PARP1: variants seen among roughly 807,000 people sequenced by gnomAD.
The protein encoded by PARP1 is poly(ADP-ribose) polymerase 1.
PARP1 carries 44 observed loss-of-function variants against 118.7 expected under a neutral mutation model. The ratio of observed to expected loss-of-function variants is 0.37; its 90% confidence interval spans 0.29 to 0.48. The LOEUF (loss-of-function observed/expected upper bound fraction) is 0.48, where lower values mean the gene tolerates loss of function less well. Among genes scored for constraint, PARP1 ranks in the 20% least tolerant of loss-of-function variants. The pLI is 0.99. For synonymous variants in PARP1, 492 were observed against 483.2 expected (o/e 1.02, Z -0.24); for missense variants, 1,100 against 1,272.4 (o/e 0.86, Z 2.06).
At chr1:226,394,136 C>A (rs1163975770) in intron 2 of PARP1, among the ~76,000 whole-genome samples, 1 of 152,122 alleles carries the variant, frequency 6.6e-6, no homozygotes, top group Non-Finnish European at 1.5e-5. Context: ...ATCACTTGAG[C>A]CCAGGAGTTC....
chr1:226,388,431 G>A (rs1664754804), intron 5 of PARP1, among the ~76,000 whole-genome samples: 1 of 152,236 alleles, frequency 6.6e-6, no homozygotes, highest in African/African-American at 2.4e-5. Context: ...AAGCCTGGCT[G>A]CAGGTCAGAC....
In PARP1 at chr1:226,403,537, G is replaced by A. The variant is rs3219019; in HGVS notation, c.121-1158C>T. ...GAAGAAGGGGAAGACACAGTATGTA[G>A]TGTGTGTCCCTGCTCCTTTCATAAG... On this transcript the variant is annotated intron_variant, in intron 1 of 22. Coordinates refer to ENST00000366794, the MANE Select transcript of PARP1 (RefSeq NM_001618.4). 5.9e-3 allele frequency among the ~76,000 whole-genome samples: 899 copies of A among 152,348 alleles called. 8 individuals are homozygous for A. Among genetic ancestry groups the A allele is most frequent in the African/African-American group, 0.02 (825 of 41,580 alleles).
intron 2 of PARP1, among the ~76,000 whole-genome samples, chr1:226,395,226 C>A (rs1284069630): frequency 1.3e-5 from 2 of 151,998 alleles, no homozygotes; most frequent in African/African-American, 4.8e-5. Flanking sequence ...GGAGGCTACT[C>A]AAAAAATTAA....
intron 14 of PARP1, among the ~76,000 whole-genome samples, chr1:226,373,056 G>A (rs776262911): frequency 1.3e-5 from 2 of 152,234 alleles, no homozygotes; most frequent in Non-Finnish European, 2.9e-5. Flanking sequence ...GCACAGGCGT[G>A]AGCATTCCTG....
intron 3 of PARP1, among the ~76,000 whole-genome samples, chr1:226,391,016 T>G (rs1664811552): frequency 6.6e-6 from 1 of 151,626 alleles, no homozygotes; most frequent in African/African-American, 2.4e-5. Flanking sequence ...TTTTTTTTTT[T>G]TTTGAGACAG....
intron 18 of PARP1, 41 bp downstream of exon 18, chr1:226,365,912 TG>T: frequency 7.5e-7 from 1 of 1,328,760 alleles, no homozygotes; most frequent in Non-Finnish European, 1.1e-6. Context: ...AGGGAAGAGC[TG>T]GCAGGACACA....
At chr1:226,370,895 T>C in intron 14 of PARP1, 1 of 286,938 alleles carries the variant, frequency 3.5e-6, no homozygotes, top group South Asian at 3.9e-5. Flanking sequence ...TTCCCTGGGG[T>C]CCCAGAGCCA....
At position 226,374,268 on chromosome 1, in the gene PARP1, G is replaced by A. The variant is rs1247607997; in HGVS notation, c.2028C>T (p.Ile676=). The change falls in exon 14 of 23, where the codon ATC becomes ATT. Residue 676 remains isoleucine, a synonymous_variant. Transcript: ENST00000366794. ...CTTTCTTCATACTTTCCACATCAAA[G>A]ATCATCTTGATGAGGTCCTGAACTG... ...PKPVQDLIKM[I]FDVESMKKAM... 8 of 1,613,722 alleles carry A rather than the reference G, an allele frequency of 5.0e-6. No individual in the cohort carries two copies. Among genetic ancestry groups the A allele is most frequent in the Non-Finnish European group, 6.8e-6 (8 of 1,179,730 alleles).
At chr1:226,365,789 C>A (rs34917861) in intron 18 of PARP1, among the ~76,000 whole-genome samples, 165 bp downstream of exon 18, 119,652 of 147,226 alleles carry the variant, frequency 0.81, 48,926 homozygotes, top group South Asian at 0.89. Flanking sequence ...AAAAAACAAA[C>A]AAACAAAAAA....
At position 226,361,409 on chromosome 1, in the gene PARP1, C is replaced by T. The variant is rs577915890; in HGVS notation, c.*51G>A. 70 of 1,240,746 alleles carry T rather than the reference C, an allele frequency of 5.6e-5. No individual in the cohort carries two copies. The highest frequency in any genetic ancestry group is 6.9e-5 in the Non-Finnish European group (58 of 843,228). The allele number at this position is 1,240,746 out of a possible 1,614,324, so 76.9% of individuals were successfully genotyped here. On this transcript the variant is annotated 3_prime_UTR_variant, in exon 23 of 23. Coordinates refer to ENST00000366794, the MANE Select transcript of PARP1 (RefSeq NM_001618.4). Reference sequence around the variant, plus strand: ...CAGGTGAGTTGGTGCAGAAGCGCTTCGGGTGAATTCATACCAGAGCCACCG... The same window carrying T: ...CAGGTGAGTTGGTGCAGAAGCGCTTTGGGTGAATTCATACCAGAGCCACCG...
intron 13 of PARP1, among the ~76,000 whole-genome samples, chr1:226,375,283 T>C (rs1664466664): frequency 6.6e-6 from 1 of 152,236 alleles, no homozygotes; most frequent in African/African-American, 2.4e-5. Flanking sequence ...GCAAAGTATC[T>C]ATGTGTTCAA....
At chr1:226,367,715 T>C in intron 16 of PARP1, 107 bp from the exon 17 acceptor site, 2 of 1,275,672 alleles carry the variant, frequency 1.6e-6, no homozygotes, top group Non-Finnish European at 2.3e-6. Flanking sequence ...ACACAGTGAA[T>C]GGCAAACCCT....
At chr1:226,396,326 A>G (rs902035164) in intron 2 of PARP1, among the ~76,000 whole-genome samples, 1 of 152,058 alleles carries the variant, frequency 6.6e-6, no homozygotes, top group Non-Finnish European at 1.5e-5. Context: ...AACCTGGGCG[A>G]CAGAGCAAGA....
At chr1:226,396,948 A>G (rs1464505054) in intron 2 of PARP1, among the ~76,000 whole-genome samples, 1 of 151,918 alleles carries the variant, frequency 6.6e-6, no homozygotes, top group Non-Finnish European at 1.5e-5. Context: ...ATGCCCCTAA[A>G]CCTACAACTT....
At chr1:226,399,516 GGGGA>G (rs1664987677) in intron 2 of PARP1, among the ~76,000 whole-genome samples, 2 of 152,226 alleles carry the variant, frequency 1.3e-5, no homozygotes, top group Admixed American at 1.3e-4. Context: ...GGAGGTTAGA[GGGGA>G]GGGAGGAATG....
At chr1:226,361,780 G>A in intron 22 of PARP1, 189 bp downstream of exon 22, 1 of 666,832 alleles carries the variant, frequency 1.5e-6, no homozygotes, top group Non-Finnish European at 2.7e-6. Context: ...TGGAAACTGG[G>A]GGAAGGCTCA....
In PARP1 at chr1:226,365,993, A is replaced by C; in HGVS notation, c.2466T>G (p.His822Gln). 1 of 1,613,444 alleles carries C rather than the reference A, an allele frequency of 6.2e-7. No homozygotes were observed. The highest frequency in any genetic ancestry group is 1.6e-4 in the Middle Eastern group (1 of 6,062). Residue 822 changes from histidine to glutamine, a missense_variant, in exon 18 of 23, where the codon CAT becomes CAG. Physicochemically the swap from His to Gln is conservative, Grantham distance 24. Coordinates refer to ENST00000366794, the MANE Select transcript of PARP1 (RefSeq NM_001618.4). ...AGTCATACGCATTGTGTGTGGTTGC[A>C]TGAGTGTTCTTAACATACTTCCTGA... ...EIIRKYVKNT[H>Q]ATTHNAYDLE...
chr1:226,365,926 AG>A, intron 18 of PARP1, 27 bp downstream of exon 18: 2 of 1,458,540 alleles, frequency 1.4e-6, no homozygotes, highest in East Asian at 2.3e-5. Flanking sequence ...AGGACACAGA[AG>A]GAAGTGGGGG....
chr1:226,385,102 T>C (rs1487725137), intron 7 of PARP1, among the ~76,000 whole-genome samples: 1 of 152,238 alleles, frequency 6.6e-6, no homozygotes, highest in African/African-American at 2.4e-5. Flanking sequence ...ACGTGAACCC[T>C]GGATCCAATT....
Sources: allele counts gnomAD v4.1 joint callset (sites outside exome capture counted in the v4.1 genomes callset), GRCh38; gene constraint gnomAD v4.1.1; transcripts MANE v1.5; gene names NCBI Gene and HGNC (gene_info 2026-07-23, HGNC 2026-07-21).